RIN2: variants seen among roughly 807,000 people sequenced by gnomAD.
The protein encoded by RIN2 is Ras and Rab interactor 2, also known as RAB5 interacting protein 2.
RIN2 carries 36 observed loss-of-function variants against 78.0 expected under a neutral mutation model. The observed-to-expected ratio is 0.46, with a 90% CI of 0.35 to 0.61. The LOEUF (loss-of-function observed/expected upper bound fraction) is 0.61. Ranked by LOEUF, RIN2 falls within the 20% of genes least tolerant of loss-of-function variation. RIN2 has a pLI of 0.00. For missense variants in RIN2, 1,087 were observed against 1,159.7 expected, an observed-to-expected ratio of 0.94 and a Z score of 0.91; for synonymous variants, 466 against 466.8, an observed-to-expected ratio of 1.00 and a Z score of 0.02.
chr20:19,927,775 C>T (rs1024862546), intron 3 of RIN2, among the ~76,000 whole-genome samples: 5 of 152,092 alleles, frequency 3.3e-5, no homozygotes, highest in African/African-American at 1.2e-4. Context: ...GTCTCAAACT[C>T]CTGGGCTCAA....
At chr20:19,900,398 G>T (rs1310504810) in intron 3 of RIN2, among the ~76,000 whole-genome samples, 1 of 152,050 alleles carries the variant, frequency 6.6e-6, no homozygotes, top group Non-Finnish European at 1.5e-5. Context: ...CAGGAGAATT[G>T]CTTGAACCCA....
intron 1 of RIN2, among the ~76,000 whole-genome samples, chr20:19,770,716 G>GT (rs1388859036): frequency 6.6e-6 from 1 of 152,040 alleles, no homozygotes; most frequent in African/African-American, 2.4e-5. Flanking sequence ...AAACAAAAAC[G>GT]TGTTTTTCCT....
At chr20:19,830,882 G>T (rs1479558063) in intron 2 of RIN2, among the ~76,000 whole-genome samples, 1 of 152,188 alleles carries the variant, frequency 6.6e-6, no homozygotes, top group East Asian at 1.9e-4. Context: ...GGGTACAATG[G>T]CATAGCCATC....
At chr20:19,928,799 C>T (rs1457997868) in intron 3 of RIN2, among the ~76,000 whole-genome samples, 1 of 152,120 alleles carries the variant, frequency 6.6e-6, no homozygotes, top group African/African-American at 2.4e-5. Flanking sequence ...TCACCAGCAC[C>T]CCCTCTTCTT....
intron 3 of RIN2, among the ~76,000 whole-genome samples, chr20:19,922,324 G>C (rs2039957713): frequency 6.6e-6 from 1 of 152,158 alleles, no homozygotes. Flanking sequence ...AACAAAGCCA[G>C]CTGTGCCAGC....
At chr20:19,949,550 G>T (rs902210631) in intron 4 of RIN2, among the ~76,000 whole-genome samples, 1 of 152,202 alleles carries the variant, frequency 6.6e-6, no homozygotes, top group African/African-American at 2.4e-5. Context: ...TATCTAGAAA[G>T]TTGTTCACTT....
intron 4 of RIN2, among the ~76,000 whole-genome samples, chr20:19,950,749 C>T (rs2041277553): frequency 6.6e-6 from 1 of 152,100 alleles, no homozygotes; most frequent in African/African-American, 2.4e-5. Context: ...CTTGCTCTGT[C>T]ACCCAGGCTG....
chr20:19,892,239 C>T (rs567182133), intron 3 of RIN2, among the ~76,000 whole-genome samples: 4 of 152,080 alleles, frequency 2.6e-5, no homozygotes, highest in Admixed American at 6.6e-5. Flanking sequence ...TATTTTGAGA[C>T]GGAGCCTCAT....
At chr20:19,886,432 A>G in intron 2 of RIN2, 1 of 412,708 alleles carries the variant, frequency 2.4e-6, no homozygotes, top group Non-Finnish European at 4.3e-6. Flanking sequence ...ATAAAGTGAC[A>G]GAGGCTGGTG....
intron 9 of RIN2, among the ~76,000 whole-genome samples, chr20:19,981,816 C>A (rs987642493): frequency 1.3e-5 from 2 of 152,160 alleles, no homozygotes; most frequent in African/African-American, 2.4e-5. Context: ...CCAAAGTGTG[C>A]ATGGCCAACA....
At chr20:19,952,843 G>T (rs6106163) in intron 4 of RIN2, among the ~76,000 whole-genome samples, 1 of 152,056 alleles carries the variant, frequency 6.6e-6, no homozygotes, top group African/African-American at 2.4e-5. Context: ...TCCCGCGCCC[G>T]CAGCCCCTAG....
intron 1 of RIN2, among the ~76,000 whole-genome samples, chr20:19,797,278 T>C (rs967389548): frequency 9.9e-5 from 15 of 152,172 alleles, no homozygotes; most frequent in African/African-American, 1.2e-4. Flanking sequence ...TCTTAGAATA[T>C]GCAGGCCCAC....
rs2042116318 is a variant in RIN2, at chr20:19,971,784, C to G, written c.628+855C>G. On this transcript the variant is annotated intron_variant, in intron 8 of 12. Transcript: ENST00000255006. The stretch of plus-strand genomic sequence containing the variant: ...TGAGAGGGAGTCTCGCTCTGTCACC[C>G]AGGCTGGAGTGCAGTGTTGAGATCT... Among the ~76,000 whole-genome samples, 3 of 140,580 alleles carry G rather than the reference C, an allele frequency of 2.1e-5. No homozygotes were observed. The South Asian group carries it at 6.5e-4, about 31-fold the overall frequency. The allele number at this position is 140,580 out of a possible 152,430, so 92.2% of individuals were successfully genotyped here.
chr20:19,955,483 C>T (rs909149956), intron 4 of RIN2, among the ~76,000 whole-genome samples: 5 of 152,152 alleles, frequency 3.3e-5, no homozygotes, highest in Middle Eastern at 3.4e-3. Flanking sequence ...ACTACAGGTG[C>T]GCATGACCAC....
intron 4 of RIN2, among the ~76,000 whole-genome samples, chr20:19,951,594 A>G (rs1317224212): frequency 6.6e-6 from 1 of 152,186 alleles, no homozygotes; most frequent in East Asian, 1.9e-4. Flanking sequence ...GTGAGGTGAT[A>G]TTTTAAGACT....
At chr20:19,931,207 A>T (rs550926329) in intron 3 of RIN2, among the ~76,000 whole-genome samples, 1 of 152,332 alleles carries the variant, frequency 6.6e-6, no homozygotes, top group South Asian at 2.1e-4. Flanking sequence ...CCCCATACAT[A>T]TTAGGATAGC....
At position 19,996,791 on chromosome 20, in the gene RIN2, G is replaced by T. The variant is rs2042981354; in HGVS notation, c.2313G>T (p.Trp771Cys). ...SSETRDTLRQWHKRRTTNRTI... is the reference protein window; with the variant it reads ...SSETRDTLRQCHKRRTTNRTI... ...AAACCAGAGACACCCTGAGGCAGTG[G>T]CACAAACGGAGAACCACCAACCGGA... is the stretch of plus-strand genomic sequence containing the variant. The change falls in exon 12 of 13, where the codon TGG becomes TGT. Residue 771 changes from tryptophan to cysteine, a missense_variant. Around this residue, in one of 8 missense-constraint regions of RIN2, gnomAD observed 160 missense variants for 179.4 expected, o/e 0.89. Coordinates refer to ENST00000255006, the MANE Select transcript of RIN2 (RefSeq NM_018993.4). The T allele has an allele frequency of 6.2e-7, 1 of 1,609,844 alleles. No individual in the cohort carries two copies. The highest frequency in any genetic ancestry group is 1.3e-5 in the African/African-American group (1 of 74,846).
chr20:19,927,844 C>T (rs575201641), intron 3 of RIN2, among the ~76,000 whole-genome samples: 36 of 152,188 alleles, frequency 2.4e-4, no homozygotes, highest in Admixed American at 2.2e-3. Context: ...GCTACTGCTC[C>T]CGGCCAAGAG....
chr20:19,970,007 C>G (rs1441598935), intron 7 of RIN2, among the ~76,000 whole-genome samples: 1 of 152,222 alleles, frequency 6.6e-6, no homozygotes, highest in African/African-American at 2.4e-5. Context: ...TGTGGCAGGT[C>G]CCTGATGCTG....
Sources: allele counts gnomAD v4.1 joint callset (sites outside exome capture counted in the v4.1 genomes callset), GRCh38; gene constraint gnomAD v4.1.1; regional missense constraint gnomAD v4.1.1; transcripts MANE v1.5; gene names NCBI Gene and HGNC (gene_info 2026-07-23, HGNC 2026-07-21).